The following TSPAN19 variants were observed in gnomAD, a reference collection of about 807,000 sequenced individuals.
TSPAN19 encodes tetraspanin-19.
TSPAN19 carries 44 observed loss-of-function variants against 35.1 expected under a neutral mutation model. The ratio of observed to expected loss-of-function variants is 1.25; its 90% CI spans 0.98 to 1.61. The LOEUF is 1.61. Ranked by LOEUF, TSPAN19 falls within the 40% of genes most tolerant of loss-of-function variation. The probability of loss-of-function intolerance (pLI) is 0.00; values close to 1 mark genes in which losing one functional copy is unlikely to be tolerated. For synonymous variants in TSPAN19, 79 were observed against 92.0 expected (o/e 0.86, Z 0.81); for missense variants, 290 against 280.0 (o/e 1.04, Z -0.26).
At chr12:85,026,295 T>A (rs1194527148) in intron 4 of TSPAN19, among the ~76,000 whole-genome samples, 1 of 152,126 alleles carries the variant, frequency 6.6e-6, no homozygotes, top group Non-Finnish European at 1.5e-5. Flanking sequence ...GGTTTTTATA[T>A]CCAAAATCTG....
In TSPAN19 at chr12:85,017,609, A is replaced by G. The variant is rs761255747; in HGVS notation, c.451-10T>C. On this transcript the variant is annotated splice_polypyrimidine_tract_variant and intron_variant, in intron 6 of 8. Coordinates refer to ENST00000532498, the MANE Select transcript of TSPAN19 (RefSeq NM_001100917.2). ...GGCCACAACACTGTAACTAGGAAAAAGCTTATATGAATTTTACCATAAAAT... is the reference window on the plus strand; with the variant it reads ...GGCCACAACACTGTAACTAGGAAAAGGCTTATATGAATTTTACCATAAAAT... 52 of 1,534,220 alleles carry G rather than the reference A, an allele frequency of 3.4e-5. No homozygotes were observed. The highest frequency in any genetic ancestry group is 3.9e-5 in the Non-Finnish European group (44 of 1,141,088).
intron 1 of TSPAN19, among the ~76,000 whole-genome samples, chr12:85,033,507 C>G (rs1249225855): frequency 6.6e-6 from 1 of 151,944 alleles, no homozygotes; most frequent in Non-Finnish European, 1.5e-5. Context: ...GTAGAATTGC[C>G]AGCATTGGGA....
intron 1 of TSPAN19, among the ~76,000 whole-genome samples, chr12:85,032,130 T>C (rs973503364): frequency 2.6e-5 from 4 of 152,110 alleles, no homozygotes; most frequent in Admixed American, 2.0e-4. Flanking sequence ...CAATATTTCA[T>C]GATTAAATTT....
At chr12:85,025,166 C>T (rs564976534) in intron 4 of TSPAN19, among the ~76,000 whole-genome samples, 2 of 149,390 alleles carry the variant, frequency 1.3e-5, no homozygotes, top group East Asian at 2.0e-4. Flanking sequence ...GATGGAGTCT[C>T]ACTCTGTGGC....
intron 4 of TSPAN19, chr12:85,024,816 A>C (rs981790440): frequency 3.3e-5 from 5 of 152,026 alleles, no homozygotes; most frequent in African/African-American, 1.2e-4. Context: ...AATAATTTTA[A>C]AAGTAAGCGG....
intron 7 of TSPAN19, 56 bp downstream of exon 7, chr12:85,017,400 C>A: frequency 6.7e-7 from 1 of 1,490,000 alleles, no homozygotes; most frequent in South Asian, 1.3e-5. Flanking sequence ...AATTGACTTG[C>A]AAAATAAACA....
intron 1 of TSPAN19, among the ~76,000 whole-genome samples, chr12:85,032,525 T>A (rs1877733440): frequency 6.6e-6 from 1 of 152,038 alleles, no homozygotes; most frequent in African/African-American, 2.4e-5. Flanking sequence ...AAGGAAGATG[T>A]TTATGGTAAT....
chr12:85,022,409 T>C (rs1302711729), intron 5 of TSPAN19, among the ~76,000 whole-genome samples: 1 of 152,156 alleles, frequency 6.6e-6, no homozygotes. Context: ...TAGATAGATA[T>C]AAAGAAAATC....
chr12:85,018,457 A>C (rs559323874), intron 6 of TSPAN19, among the ~76,000 whole-genome samples: 1 of 152,022 alleles, frequency 6.6e-6, no homozygotes, highest in East Asian at 1.9e-4. Context: ...GAAAGCTGGA[A>C]TTTCACTAAT....
At chr12:85,026,568 T>C (rs1389156511) in intron 4 of TSPAN19, among the ~76,000 whole-genome samples, 5 of 152,034 alleles carry the variant, frequency 3.3e-5, no homozygotes, top group African/African-American at 1.2e-4. Flanking sequence ...GCCAGGGTAA[T>C]ATTCAAATAG....
chr12:85,017,579 A>C lies in TSPAN19; in HGVS notation c.471T>G (p.His157Gln). 5 of 1,584,826 alleles carry C rather than the reference A, an allele frequency of 3.2e-6. No homozygotes were observed. Among genetic ancestry groups the C allele is most frequent in the Non-Finnish European group, 4.3e-6 (5 of 1,164,276 alleles). ...LQKTLQCCGQ[H>Q]NYTDWIKNKN... ...TATTCTTTATCCAGTCTGTGTAATT[A>C]TGTTGGCCACAACACTGTAACTAGG... The change falls in exon 7 of 9, where the codon CAT becomes CAG. Residue 157 changes from histidine to glutamine, a missense_variant. Physicochemically the swap from His to Gln is conservative, Grantham distance 24. Transcript: ENST00000532498.
chr12:85,018,779 G>A (rs1033509813), intron 6 of TSPAN19, among the ~76,000 whole-genome samples: 2 of 151,752 alleles, frequency 1.3e-5, no homozygotes, highest in East Asian at 1.9e-4. Flanking sequence ...TATTAGCTGC[G>A]CAATCCTCAT....
At chr12:85,017,625 AC>A (rs1326289757) in intron 6 of TSPAN19, 26 bp from the exon 7 acceptor site, 3 of 1,505,576 alleles carry the variant, frequency 2.0e-6, no homozygotes, top group Admixed American at 4.8e-5. Flanking sequence ...TATGAATTTT[AC>A]CATAAAATGT....
intron 4 of TSPAN19, among the ~76,000 whole-genome samples, chr12:85,025,321 A>C (rs1440872580): frequency 1.3e-5 from 2 of 151,714 alleles, no homozygotes; most frequent in African/African-American, 2.4e-5. Context: ...TTTTTAATAG[A>C]GATGGGGTTT....
chr12:85,023,513 G>T, intron 4 of TSPAN19, 113 bp from the exon 5 acceptor site: 1 of 764,634 alleles, frequency 1.3e-6, no homozygotes, highest in Non-Finnish European at 2.0e-6. Context: ...AGTATATATG[G>T]GTATTGCTGA....
rs779029014 is a variant in TSPAN19 at position 85,019,715 on chromosome 12, T to A, written c.361A>T (p.Lys121Ter). The change falls in exon 6 of 9, where the codon AAA becomes TAA. Residue 121 changes from lysine (K) to a stop codon, truncating the protein, a stop_gained. Coordinates refer to ENST00000532498, the MANE Select transcript of TSPAN19 (RefSeq NM_001100917.2). LOFTEE classifies it high-confidence loss of function. Reference protein sequence around the residue: ...KEEVQQLWHDKIDFVISEYGS... With the variant: ...KEEVQQLWHD ...TACTCAGAAATGACAAAATCAATTT[T>A]GTCATGCCATAGTTGCTGAACCTGT... 1 of 1,606,634 alleles carries A rather than the reference T, an allele frequency of 6.2e-7. No individual in the cohort carries two copies. The highest frequency in any genetic ancestry group is 8.5e-7 in the Non-Finnish European group (1 of 1,175,822).
intron 6 of TSPAN19, among the ~76,000 whole-genome samples, 195 bp downstream of exon 6, chr12:85,019,431 A>G (rs1565765156): frequency 6.6e-6 from 1 of 151,986 alleles, no homozygotes; most frequent in Non-Finnish European, 1.5e-5. Flanking sequence ...TAACACAGAA[A>G]AGAAGATAGG....
chr12:85,020,282 A>G (rs1318638593), intron 5 of TSPAN19, among the ~76,000 whole-genome samples: 2 of 150,808 alleles, frequency 1.3e-5, no homozygotes, highest in Non-Finnish European at 3.0e-5. Context: ...TCTCTCTCCA[A>G]GCCTGTTTTG....
At chr12:85,021,384 C>T (rs1327923598) in intron 5 of TSPAN19, among the ~76,000 whole-genome samples, 2 of 151,890 alleles carry the variant, frequency 1.3e-5, no homozygotes, top group East Asian at 3.9e-4. Flanking sequence ...TATTTTAATA[C>T]ATTTAAGAAG....
Sources: allele counts gnomAD v4.1 joint callset (sites outside exome capture counted in the v4.1 genomes callset), GRCh38; gene constraint gnomAD v4.1.1; transcripts MANE v1.5; gene names NCBI Gene and HGNC (gene_info 2026-07-23, HGNC 2026-07-21).